Variants in RXRG observed in about 807,000 individuals in gnomAD.
RXRG encodes retinoic acid receptor RXR-gamma.
In RXRG, 19 loss-of-function variants were observed where a neutral mutation model predicts 49.2. The observed-to-expected ratio is 0.39, with a 90% CI of 0.27 to 0.57. The LOEUF (loss-of-function observed/expected upper bound fraction) is 0.57, where lower values mean the gene tolerates loss of function less well. Ranked by LOEUF, RXRG falls within the 20% of genes least tolerant of loss-of-function variation. The pLI, the probability that RXRG is intolerant of heterozygous loss-of-function variation, is 0.64. For synonymous variants in RXRG, 224 were observed against 216.6 expected, an observed-to-expected ratio of 1.03 and a Z score of -0.30; for missense variants, 452 against 592.5, an observed-to-expected ratio of 0.76 and a Z score of 2.46.
chr1:165,421,543 T>G (rs1249157119), intron 2 of RXRG, among the ~76,000 whole-genome samples: 3 of 151,384 alleles, frequency 2.0e-5, no homozygotes, highest in Non-Finnish European at 4.4e-5. Context: ...TTTTTTTTTT[T>G]TTCCTTTTTT....
intron 1 of RXRG, among the ~76,000 whole-genome samples, chr1:165,442,495 T>G (rs890825867): frequency 6.6e-6 from 1 of 152,238 alleles, no homozygotes; most frequent in Non-Finnish European, 1.5e-5. Context: ...CTTCCATAGC[T>G]GAACCATTGT....
chr1:165,410,801 C>T lies in RXRG; in HGVS notation c.814G>A (p.Ala272Thr), dbSNP rs1475955792. Reference protein sequence around the residue: ...TNDPVTNICHAADKQLFTLVE... With the variant: ...TNDPVTNICHTADKQLFTLVE... ...AGGGTGAAAAGCTGCTTGTCAGCAG[C>T]ATGACATATGTTGGTAACAGGGTCA... Residue 272 changes from alanine (A) to threonine (T), a missense_variant, in exon 6 of 10, where the codon GCT becomes ACT. Physicochemically the swap from Ala to Thr is moderately conservative, Grantham distance 58. This residue lies in a region of RXRG where 286 missense variants were observed against 440.9 expected (regional missense o/e 0.65). Transcript: ENST00000359842. 2 of 1,614,142 alleles carry T rather than the reference C, an allele frequency of 1.2e-6. No homozygotes were observed. The highest frequency in any genetic ancestry group is 1.7e-6 in the Non-Finnish European group (2 of 1,180,012).
chr1:165,412,889 C>T (rs1658000454), intron 4 of RXRG, among the ~76,000 whole-genome samples: 1 of 152,042 alleles, frequency 6.6e-6, no homozygotes, highest in Non-Finnish European at 1.5e-5. Flanking sequence ...ATGTTGAATG[C>T]TTCTTGTATT....
intron 1 of RXRG, 102 bp from the exon 2 acceptor site, chr1:165,429,068 T>G (rs1658589593): frequency 3.8e-6 from 5 of 1,305,674 alleles, no homozygotes. Context: ...ATCCTGCCCC[T>G]CTTTTAGCCA....
At position 165,437,841 on chromosome 1, in the gene RXRG, A is replaced by G. The variant is rs191318760; in HGVS notation, c.49+7004T>C. Reference sequence around the variant, plus strand: ...TCTCATTTGTTAGAGATGGCATAATATCCATCTGTACTAGCAAGGTCTATA... The same window carrying G: ...TCTCATTTGTTAGAGATGGCATAATGTCCATCTGTACTAGCAAGGTCTATA... On this transcript the variant is annotated intron_variant, in intron 1 of 9. Coordinates refer to ENST00000359842, the MANE Select transcript of RXRG (RefSeq NM_006917.5). 1.3e-4 allele frequency among the ~76,000 whole-genome samples: 20 copies of G among 152,284 alleles called. No homozygotes were observed. The East Asian group carries it at 3.7e-3, about 28-fold the overall frequency.
intron 2 of RXRG, among the ~76,000 whole-genome samples, chr1:165,421,371 A>G (rs1037680090): frequency 9.9e-5 from 15 of 152,158 alleles, no homozygotes; most frequent in Non-Finnish European, 2.1e-4. Context: ...ATACAAGGCT[A>G]TGAGAAGACA....
chr1:165,418,110 CAAAAAAAAAA>C (rs57782668), intron 3 of RXRG, among the ~76,000 whole-genome samples: 1 of 73,856 alleles, frequency 1.4e-5, no homozygotes, highest in African/African-American at 5.4e-5. Flanking sequence ...GATCCCGTCT[CAAAAAAAAAA>C]AAAAAAAAAA....
At chr1:165,409,118 C>T (rs1657852068) in intron 7 of RXRG, among the ~76,000 whole-genome samples, 1 of 152,188 alleles carries the variant, frequency 6.6e-6, no homozygotes, top group African/African-American at 2.4e-5. Context: ...CCAGCATAAA[C>T]AGTCCATCTT....
At chr1:165,431,497 G>A (rs528265031) in intron 1 of RXRG, among the ~76,000 whole-genome samples, 3 of 152,216 alleles carry the variant, frequency 2.0e-5, no homozygotes, top group African/African-American at 4.8e-5. Context: ...TTCAATGGGT[G>A]AGGAGCCATA....
intron 1 of RXRG, among the ~76,000 whole-genome samples, 184 bp from the exon 2 acceptor site, chr1:165,429,150 A>C (rs1571283206): frequency 6.6e-6 from 1 of 152,170 alleles, no homozygotes; most frequent in East Asian, 1.9e-4. Context: ...AGCGAGGGAC[A>C]CAGAGGGGAG....
intron 2 of RXRG, among the ~76,000 whole-genome samples, chr1:165,420,299 T>C (rs1557917566): frequency 6.6e-6 from 1 of 152,204 alleles, no homozygotes; most frequent in Admixed American, 6.5e-5. Context: ...TATGTTTTAT[T>C]TAAGCTAGAA....
At chr1:165,443,937 A>G (rs1281951982) in intron 1 of RXRG, among the ~76,000 whole-genome samples, 1 of 152,228 alleles carries the variant, frequency 6.6e-6, no homozygotes, top group Non-Finnish European at 1.5e-5. Context: ...CATAAGCTGC[A>G]TGCCTCCAAC....
chr1:165,410,612 C>T, intron 6 of RXRG, 90 bp downstream of exon 6: 4 of 1,430,600 alleles, frequency 2.8e-6, no homozygotes, highest in South Asian at 1.2e-5. Flanking sequence ...ATAGCTTGGA[C>T]ATGTTGCAGC....
intron 6 of RXRG, among the ~76,000 whole-genome samples, chr1:165,410,389 T>C (rs1657905071): frequency 6.6e-6 from 1 of 152,228 alleles, no homozygotes; most frequent in African/African-American, 2.4e-5. Context: ...ACCTATGAAA[T>C]GGGAATACCT....
chr1:165,413,599 G>C (rs1658024969), intron 4 of RXRG, among the ~76,000 whole-genome samples: 1 of 152,138 alleles, frequency 6.6e-6, no homozygotes, highest in African/African-American at 2.4e-5. Flanking sequence ...ACCACACAGG[G>C]CTCACAAGGA....
rs763380935 is a variant in RXRG at position 165,410,844 on chromosome 1, C to A, written c.784-13G>T. On this transcript the variant is annotated splice_polypyrimidine_tract_variant and intron_variant, in intron 5 of 9. Transcript: ENST00000359842. The stretch of plus-strand genomic sequence containing the variant: ...CAGGGTCATTTGTCTGAAAAAGGAA[C>A]AAAGTACTGTGAGGCACAGGTCCCA... 34 of 1,613,944 alleles carry A rather than the reference C, an allele frequency of 2.1e-5. No individual in the cohort carries two copies. The Admixed American group carries it at 5.5e-4, about 26-fold the overall frequency.
In RXRG at chr1:165,401,785, G is replaced by A. The variant is rs1342156089; in HGVS notation, c.1245-375C>T. 2.6e-5 allele frequency among the ~76,000 whole-genome samples: 4 copies of A among 152,232 alleles called. No homozygotes were observed. In the East Asian group the frequency reaches 7.7e-4, roughly 29 times the overall value. The stretch of plus-strand genomic sequence containing the variant: ...GTCCCTCGGGTACCCGCACAGATCT[G>A]CTGAGGCACTTAGAGCCAAGCGTGA... On this transcript the variant is annotated intron_variant, in intron 9 of 9. Transcript: ENST00000359842.
At chr1:165,419,817 G>T in intron 3 of RXRG, 53 bp downstream of exon 3, 1 of 1,471,092 alleles carries the variant, frequency 6.8e-7, no homozygotes, top group South Asian at 1.4e-5. Context: ...GGCAGACAGT[G>T]AGCAGCCCCT....
chr1:165,444,919 T>C lies in RXRG; in HGVS notation c.-26A>G, dbSNP rs1571295601. The C allele has an allele frequency of 6.2e-7, 1 of 1,611,268 alleles. No homozygotes were observed. The highest frequency in any genetic ancestry group is 8.5e-7 in the Non-Finnish European group (1 of 1,177,470). ...GTTTACTCGTCAGTTCATGTTCCTCTCCTGTGCAGCTTCTAAATATTACCG... is the reference window on the plus strand; with the variant it reads ...GTTTACTCGTCAGTTCATGTTCCTCCCCTGTGCAGCTTCTAAATATTACCG... On this transcript the variant is annotated 5_prime_UTR_variant, in exon 1 of 10. Transcript: ENST00000359842.
Sources: gnomAD v4.1 joint callset for allele counts (sites outside exome capture counted in the v4.1 genomes callset) on GRCh38, gnomAD v4.1.1 for gene constraint, gnomAD v4.1.1 regional missense constraint, MANE v1.5 for transcripts, NCBI Gene and HGNC (gene_info 2026-07-23, HGNC 2026-07-21) for gene names.